GNG2: variants seen among roughly 807,000 people sequenced by gnomAD.
GNG2 encodes G protein subunit gamma 2, also known as guanine nucleotide-binding protein G(I)/G(S)/G(O) subunit gamma-2.
A neutral mutation model predicts 5.5 loss-of-function variants in GNG2; 5 were observed. The ratio of observed to expected loss-of-function variants is 0.91; its 90% confidence interval spans 0.48 to 1.92. The LOEUF (loss-of-function observed/expected upper bound fraction) is 1.92. GNG2 is among the 30% of genes most tolerant of loss of function. The pLI, the probability that GNG2 is intolerant of heterozygous loss-of-function variation, is 0.01. For synonymous variants in GNG2, 28 were observed against 32.0 expected, an observed-to-expected ratio of 0.88 and a Z score of 0.42; for missense variants, 55 against 88.4, an observed-to-expected ratio of 0.62 and a Z score of 1.52.
intron 1 of GNG2, among the ~76,000 whole-genome samples, chr14:51,863,051 C>T (rs1478156224): frequency 6.6e-6 from 1 of 150,742 alleles, no homozygotes; most frequent in Admixed American, 6.6e-5. Flanking sequence ...ATTTCATTGC[C>T]AGCCTTGGGC....
chr14:51,884,108 C>T (rs1158451603), intron 2 of GNG2, among the ~76,000 whole-genome samples: 2 of 151,954 alleles, frequency 1.3e-5, no homozygotes, highest in Admixed American at 6.6e-5. Context: ...TAATCTGTAT[C>T]AAAAAGGTGA....
chr14:51,936,377 A>G (rs930582149), intron 2 of GNG2, among the ~76,000 whole-genome samples: 12 of 152,124 alleles, frequency 7.9e-5, no homozygotes, highest in African/African-American at 1.2e-4. Context: ...AAAAATGTTC[A>G]TTCTATGAGG....
Position 51,968,895 on chromosome 14 carries a change from C to A in GNG2, c.*2208C>A, listed in dbSNP as rs1890072129. 6.6e-6 allele frequency: 1 copy of A among 152,124 alleles called. No homozygotes were observed. Among genetic ancestry groups the A allele is most frequent in the African/African-American group, 2.4e-5 (1 of 41,432 alleles). 9.4% of individuals were successfully genotyped at this position (152,124 alleles called of 1,614,324 possible). On this transcript the variant is annotated 3_prime_UTR_variant, in exon 4 of 4. Coordinates refer to ENST00000556766, the MANE Select transcript of GNG2 (RefSeq NM_053064.5). ...GGACTCTTTATATTTCCATGTAAAT[C>A]TAGATCTTTGGAGCAATTAAGATGG...
chr14:51,914,843 A>G (rs1019069324), intron 2 of GNG2, among the ~76,000 whole-genome samples: 2 of 152,200 alleles, frequency 1.3e-5, no homozygotes, highest in African/African-American at 4.8e-5. Context: ...TCACTTACGC[A>G]TAACTTTGGA....
At chr14:51,851,379 A>G (rs997423370) in intron 2 of GNG2, among the ~76,000 whole-genome samples, 16 of 152,210 alleles carry the variant, frequency 1.1e-4, no homozygotes, top group South Asian at 2.1e-4. Context: ...TTTTGACCCA[A>G]TGGTACTGGA....
chr14:51,889,849 C>T (rs1157292115), intron 2 of GNG2, among the ~76,000 whole-genome samples: 3 of 152,066 alleles, frequency 2.0e-5, no homozygotes, highest in Non-Finnish European at 4.4e-5. Flanking sequence ...GCTTTTTTGT[C>T]TTTTCCTTTA....
intron 2 of GNG2, among the ~76,000 whole-genome samples, chr14:51,907,044 C>T (rs577917907): frequency 8.5e-5 from 13 of 152,148 alleles, no homozygotes; most frequent in Admixed American, 4.6e-4. Context: ...CATGAGCCAC[C>T]GTGCCCGGCC....
chr14:51,861,880 G>A lies in GNG2; in HGVS notation c.-71+1090G>A, dbSNP rs114116319. ...AAGCAGTAAGTAGTCATTGATAAAAGGGTTTTTCTTCTAGAGTTTCTATAA... is the reference window on the plus strand; with the variant it reads ...AAGCAGTAAGTAGTCATTGATAAAAAGGTTTTTCTTCTAGAGTTTCTATAA... On this transcript the variant is annotated intron_variant, in intron 1 of 3. Transcript: ENST00000556766. 3.4e-3 allele frequency among the ~76,000 whole-genome samples: 523 copies of A among 152,174 alleles called. 5 individuals carry two copies. The highest frequency in any genetic ancestry group is 0.012 in the African/African-American group (484 of 41,506).
chr14:51,968,854 T>C lies in GNG2; in HGVS notation c.*2167T>C, dbSNP rs1890070034. On this transcript the variant is annotated 3_prime_UTR_variant, in exon 4 of 4. Transcript: ENST00000556766. ...CAGACGATTTCCACTATTCACAGCA[T>C]TTCCTTTTCTCAGAAGGACTCTTTA... The C allele has an allele frequency of 6.6e-6, 1 of 152,222 alleles. No homozygotes were observed. Among genetic ancestry groups the C allele is most frequent in the South Asian group, 2.1e-4 (1 of 4,828 alleles). 9.4% of individuals were successfully genotyped at this position (152,222 alleles called of 1,614,324 possible).
exon 2 of GNG2, chr14:51,827,777 G>A: frequency 1.4e-6 from 1 of 699,388 alleles, no homozygotes; most frequent in Non-Finnish European, 2.6e-6. Context: ...AATGGAAAGA[G>A]AAGCAAGAGA....
At chr14:51,873,085 A>G (rs921710827) in intron 1 of GNG2, among the ~76,000 whole-genome samples, 6 of 152,216 alleles carry the variant, frequency 3.9e-5, no homozygotes, top group Admixed American at 6.5e-5. Context: ...ATAAACCTGA[A>G]GTTTAAATTG....
At chr14:51,924,024 C>G (rs1434008256) in intron 2 of GNG2, among the ~76,000 whole-genome samples, 1 of 152,184 alleles carries the variant, frequency 6.6e-6, no homozygotes, top group Admixed American at 6.5e-5. Flanking sequence ...CTTTTCAGGT[C>G]TCTCTTTAAA....
At chr14:51,878,940 A>G (rs898692208) in intron 2 of GNG2, among the ~76,000 whole-genome samples, 1 of 152,190 alleles carries the variant, frequency 6.6e-6, no homozygotes, top group Non-Finnish European at 1.5e-5. Context: ...TTTCAAATCA[A>G]TCCAAGCAGA....
At chr14:51,943,390 C>T (rs960468909) in intron 2 of GNG2, among the ~76,000 whole-genome samples, 7 of 152,088 alleles carry the variant, frequency 4.6e-5, no homozygotes, top group African/African-American at 9.7e-5. Context: ...AAAAAACTTC[C>T]GCACAATTTG....
chr14:51,876,261 T>C (rs963784416), intron 1 of GNG2, among the ~76,000 whole-genome samples: 4 of 151,980 alleles, frequency 2.6e-5, no homozygotes, highest in African/African-American at 9.7e-5. Flanking sequence ...TTGTATTCAT[T>C]GTTTTAAAAT....
intron 2 of GNG2, among the ~76,000 whole-genome samples, chr14:51,932,274 A>AGG (rs1887714380): frequency 7.0e-6 from 1 of 143,406 alleles, no homozygotes; most frequent in Admixed American, 6.9e-5. Flanking sequence ...AAAAAAAAAG[A>AGG]AAAGAAAATA....
chr14:51,926,687 C>A (rs973656263), intron 2 of GNG2, among the ~76,000 whole-genome samples: 3 of 152,162 alleles, frequency 2.0e-5, no homozygotes, highest in African/African-American at 7.2e-5. Flanking sequence ...CTTCCTTTTC[C>A]GGTGTGGAAC....
chr14:51,873,909 T>A (rs1351031736), intron 1 of GNG2: 1 of 152,192 alleles, frequency 6.6e-6, no homozygotes, highest in African/African-American at 2.4e-5. Flanking sequence ...TGGACAGTCA[T>A]CTTGTAATGC....
At chr14:51,900,173 G>C (rs1016683924) in intron 2 of GNG2, among the ~76,000 whole-genome samples, 3 of 152,210 alleles carry the variant, frequency 2.0e-5, no homozygotes, top group Non-Finnish European at 4.4e-5. Flanking sequence ...ACCAGTACTT[G>C]TTATTTTCTG....
Sources: allele counts gnomAD v4.1 joint callset (sites outside exome capture counted in the v4.1 genomes callset), GRCh38; gene constraint gnomAD v4.1.1; transcripts MANE v1.5; gene names NCBI Gene and HGNC (gene_info 2026-07-23, HGNC 2026-07-21).